DAB2IP: variants seen among roughly 807,000 people sequenced by gnomAD.
The protein encoded by DAB2IP is disabled homolog 2-interacting protein.
A neutral mutation model predicts 107.2 loss-of-function variants in DAB2IP; 28 were observed. That is an observed-to-expected ratio of 0.26 (90% CI 0.19 to 0.36). The LOEUF is 0.36. Among genes scored for constraint, DAB2IP ranks in the 10% least tolerant of loss-of-function variants. DAB2IP has a pLI of 1.00. For synonymous variants in DAB2IP, 755 were observed against 706.4 expected, an observed-to-expected ratio of 1.07 and a Z score of -1.09; for missense variants, 1,400 against 1,644.7, an observed-to-expected ratio of 0.85 and a Z score of 2.57.
chr9:121,577,864 GCACCAGGCTCTAGGCC>G (rs1385756058), intron 1 of DAB2IP, among the ~76,000 whole-genome samples: 1 of 152,202 alleles, frequency 6.6e-6, no homozygotes, highest in Non-Finnish European at 1.5e-5. Flanking sequence ...GAGGGAGCAG[GCACCAGGCTCTAGGCC>G]CTGCAGCCTG....
Position 121,760,132 on chromosome 9 carries a change from A to G in DAB2IP, c.863A>G (p.Asn288Ser). Residue 288 changes from asparagine to serine, a missense_variant, in exon 6 of 16, where the codon AAC becomes AGC. Physicochemically the swap from Asn to Ser is conservative, Grantham distance 46 (BLOSUM62 1). This residue lies in a region of DAB2IP where 517 missense variants were observed against 748.6 expected (regional missense o/e 0.69). Coordinates refer to ENST00000408936, the Ensembl canonical transcript of DAB2IP. The surrounding 1 kb of genome is among the most constrained non-coding windows in gnomAD (Gnocchi z 5.9). ...GACAAGAAGAAGAAGAAGGAGCGCA[A>G]CAGTTACCTGGGCCTGGTGAGCCTA... is the stretch of plus-strand genomic sequence containing the variant. 1.2e-6 allele frequency: 2 copies of G among 1,613,912 alleles called. No homozygotes were observed. The highest frequency in any genetic ancestry group is 1.7e-6 in the Non-Finnish European group (2 of 1,180,024).
In DAB2IP at chr9:121,699,382, C is replaced by A; in HGVS notation, c.286C>A (p.Leu96Met). The change falls in exon 3 of 16, where the codon CTG (leucine) becomes ATG (methionine). Residue 96 changes from leucine (L) to methionine (M), a missense_variant. Coordinates refer to ENST00000408936, the Ensembl canonical transcript of DAB2IP. The surrounding 1 kb of genome is among the most constrained non-coding windows in gnomAD (Gnocchi z 6.2). Reference sequence around the variant, plus strand: ...CAAGCGCACCAAGAGCCAGCCCAAGCTGGACCGCAACCACAGCTTCCGCCA... The same window carrying A: ...CAAGCGCACCAAGAGCCAGCCCAAGATGGACCGCAACCACAGCTTCCGCCA... 6.7e-7 allele frequency: 1 copy of A among 1,483,376 alleles called. No individual in the cohort carries two copies. Among genetic ancestry groups the A allele is most frequent in the Non-Finnish European group, 9.0e-7 (1 of 1,108,056 alleles). 91.9% of individuals were successfully genotyped at this position (1,483,376 alleles called of 1,614,324 possible).
chr9:121,673,879 T>C (rs879604364), intron 1 of DAB2IP, among the ~76,000 whole-genome samples: 2 of 151,908 alleles, frequency 1.3e-5, no homozygotes, highest in Non-Finnish European at 2.9e-5. Context: ...GTAAAGGAGG[T>C]CCCATCAGCT....
intron 3 of DAB2IP, among the ~76,000 whole-genome samples, chr9:121,740,124 C>A (rs1193440956): frequency 1.3e-5 from 2 of 152,086 alleles, no homozygotes; most frequent in Non-Finnish European, 1.5e-5. Flanking sequence ...GCGTGAGGAC[C>A]CAGCTGGCCC....
chr9:121,725,518 C>T (rs1260400412), intron 3 of DAB2IP, among the ~76,000 whole-genome samples: 1 of 152,222 alleles, frequency 6.6e-6, no homozygotes, highest in Non-Finnish European at 1.5e-5. Context: ...TGTGTACGCT[C>T]TGCTGTGGGC....
At chr9:121,571,213 T>A (rs376793373) in intron 1 of DAB2IP, among the ~76,000 whole-genome samples, 1 of 152,116 alleles carries the variant, frequency 6.6e-6, no homozygotes, top group Admixed American at 6.5e-5. Flanking sequence ...TTTTCCTTTA[T>A]GGACGTGTTC....
intron 1 of DAB2IP, among the ~76,000 whole-genome samples, chr9:121,610,644 G>T (rs1004215846): frequency 1.3e-5 from 2 of 152,174 alleles, no homozygotes; most frequent in Non-Finnish European, 2.9e-5. Context: ...CAGCACGTGA[G>T]GGGTGGGAAG....
intron 1 of DAB2IP, among the ~76,000 whole-genome samples, chr9:121,624,854 G>A (rs1319972530): frequency 2.0e-5 from 3 of 152,228 alleles, no homozygotes; most frequent in Non-Finnish European, 2.9e-5. Flanking sequence ...AGACAGGAAC[G>A]TACATGAAGC....
chr9:121,759,731 G>A (rs1833750409), intron 5 of DAB2IP, among the ~76,000 whole-genome samples, 154 bp from the exon 6 acceptor site: 1 of 152,160 alleles, frequency 6.6e-6, no homozygotes. Flanking sequence ...TGTCCATCAT[G>A]CCCTGCCTCA....
At chr9:121,706,782 C>G (rs1437384829) in intron 3 of DAB2IP, among the ~76,000 whole-genome samples, 1 of 152,222 alleles carries the variant, frequency 6.6e-6, no homozygotes, top group African/African-American at 2.4e-5. Flanking sequence ...GCTGTCCTCC[C>G]TTGTGTATAC....
chr9:121,567,966 A>G (rs1829847258), intron 1 of DAB2IP, among the ~76,000 whole-genome samples: 1 of 152,036 alleles, frequency 6.6e-6, no homozygotes, highest in Admixed American at 6.5e-5. Flanking sequence ...GGAGGGACGC[A>G]AGAGTGCAAG....
At chr9:121,612,041 C>T (rs1249903924) in intron 1 of DAB2IP, among the ~76,000 whole-genome samples, 1 of 152,112 alleles carries the variant, frequency 6.6e-6, no homozygotes, top group Non-Finnish European at 1.5e-5. Flanking sequence ...GATCCTCTGG[C>T]CATACCCCTT....
At chr9:121,649,516 A>C (rs562278596), upstream of DAB2IP, among the ~76,000 whole-genome samples, 1 of 102,800 alleles carries the variant, frequency 9.7e-6, no homozygotes, top group Non-Finnish European at 2.5e-5. Flanking sequence ...GAGGGCTGGA[A>C]CCTGGCTGAT....
intron 3 of DAB2IP, among the ~76,000 whole-genome samples, chr9:121,713,734 G>T (rs35061590): frequency 0.04 from 6,036 of 152,256 alleles, 166 homozygotes; most frequent in Middle Eastern, 0.075. Flanking sequence ...CTGCACCGGG[G>T]CTGAGATGTG....
chr9:121,731,414 G>C (rs1262304817), intron 3 of DAB2IP, among the ~76,000 whole-genome samples: 1 of 152,258 alleles, frequency 6.6e-6, no homozygotes, highest in African/African-American at 2.4e-5. Context: ...GGAGTCTAGA[G>C]AAACATTGGG....
chr9:121,778,489 A>C (rs1428106211), intron 14 of DAB2IP, among the ~76,000 whole-genome samples: 1 of 152,194 alleles, frequency 6.6e-6, no homozygotes. Context: ...AATTATTGAT[A>C]TATTTAAATC....
intron 2 of DAB2IP, among the ~76,000 whole-genome samples, chr9:121,683,805 G>A (rs1828718457): frequency 6.6e-6 from 1 of 152,212 alleles, no homozygotes; most frequent in Admixed American, 6.5e-5. Context: ...CTTGGGGCTG[G>A]GCTTTGAGGA....
intron 1 of DAB2IP, among the ~76,000 whole-genome samples, chr9:121,583,938 G>A (rs1479871206): frequency 2.0e-5 from 3 of 152,150 alleles, no homozygotes; most frequent in African/African-American, 7.2e-5. Flanking sequence ...CAGCACTTTG[G>A]GAGGCTGAGG....
rs1409524135 is a variant in DAB2IP, at chr9:121,772,843, C to G, written c.2315C>G (p.Thr772Arg). The G allele has an allele frequency of 1.9e-6, 3 of 1,601,250 alleles. No homozygotes were observed. Among genetic ancestry groups the G allele is most frequent in the Non-Finnish European group, 2.6e-6 (3 of 1,175,848 alleles). The change falls in exon 12 of 16, where the codon ACA becomes AGA. Residue 772 changes from threonine (T) to arginine (R), a missense_variant. Physicochemically the swap from Thr to Arg is moderately conservative, Grantham distance 71 (BLOSUM62 -1). Around this residue, in one of 3 missense-constraint regions of DAB2IP, gnomAD observed 600 missense variants for 659.1 expected, o/e 0.91. Coordinates refer to ENST00000408936, the Ensembl canonical transcript of DAB2IP. This position sits in a 1 kb window ranked among gnomAD's most constrained non-coding sequence, Gnocchi z 4.7. Reference sequence around the variant, plus strand: ...CCGGCGGGCCCCGACGTCCTCCCCACAGATGGGCAGGCCGCTGCAGCTCAG... The same window carrying G: ...CCGGCGGGCCCCGACGTCCTCCCCAGAGATGGGCAGGCCGCTGCAGCTCAG...
Sources: gnomAD v4.1 joint callset for allele counts (sites outside exome capture counted in the v4.1 genomes callset) on GRCh38, gnomAD v4.1.1 for gene constraint, gnomAD v4.1.1 regional missense constraint, Gnocchi (gnomAD v3.1) non-coding constraint, MANE v1.5 for transcripts, NCBI Gene and HGNC (gene_info 2026-07-23, HGNC 2026-07-21) for gene names.